Variants in HMCN1 observed in about 807,000 individuals in gnomAD.
The protein encoded by HMCN1 is hemicentin-1.
Under a neutral mutation model 625.9 loss-of-function variants are expected in HMCN1, and 321 were observed. The ratio of observed to expected loss-of-function variants is 0.51; its 90% CI spans 0.47 to 0.56. HMCN1 has a LOEUF of 0.56. HMCN1 is among the 20% of genes least tolerant of loss of function. The pLI is 0.00. For missense variants in HMCN1, 6,588 were observed against 6,887.3 expected, an observed-to-expected ratio of 0.96 and a Z score of 1.54; for synonymous variants, 2,425 against 2,417.6, an observed-to-expected ratio of 1.00 and a Z score of -0.09.
intron 4 of HMCN1, among the ~76,000 whole-genome samples, chr1:185,888,449 G>A (rs1184484351): frequency 2.1e-5 from 3 of 142,534 alleles, no homozygotes; most frequent in South Asian, 2.1e-4. Flanking sequence ...TAGGTCTAAT[G>A]TTTAAGTCTT....
At chr1:185,805,871 G>C (rs1329411730) in intron 1 of HMCN1, among the ~76,000 whole-genome samples, 1 of 151,786 alleles carries the variant, frequency 6.6e-6, no homozygotes, top group Admixed American at 6.6e-5. Context: ...CAAAATATGT[G>C]CTCTAATCAT....
intron 6 of HMCN1, among the ~76,000 whole-genome samples, chr1:185,917,181 GT>G (rs968336255): frequency 4.6e-5 from 7 of 151,784 alleles, no homozygotes; most frequent in African/African-American, 1.7e-4. Flanking sequence ...AAAAATTAGG[GT>G]TTTTTTTGTT....
intron 40 of HMCN1, among the ~76,000 whole-genome samples, chr1:186,042,863 A>G (rs986127126): frequency 2.6e-5 from 4 of 152,092 alleles, no homozygotes; most frequent in Non-Finnish European, 5.9e-5. Context: ...CCAGAGATAA[A>G]TCACCTTCAG....
intron 80 of HMCN1, among the ~76,000 whole-genome samples, chr1:186,120,516 G>A (rs981705459): frequency 3.3e-5 from 5 of 152,080 alleles, no homozygotes; most frequent in East Asian, 1.9e-4. Flanking sequence ...AATCATAATC[G>A]CAGTTAAACC....
intron 30 of HMCN1, among the ~76,000 whole-genome samples, chr1:186,008,723 T>C (rs1347814233): frequency 6.6e-6 from 1 of 152,156 alleles, no homozygotes; most frequent in African/African-American, 2.4e-5. Flanking sequence ...GAAGATCAAA[T>C]GCTAGATACT....
At chr1:186,048,956 G>A in intron 42 of HMCN1, 117 bp downstream of exon 42, 1 of 700,898 alleles carries the variant, frequency 1.4e-6, no homozygotes, top group Admixed American at 2.0e-5. Context: ...ACAACAATTA[G>A]TACATTTACA....
chr1:186,128,158 T>A lies in HMCN1; in HGVS notation c.12771T>A (p.His4257Gln). 1 of 1,613,748 alleles carries A rather than the reference T, an allele frequency of 6.2e-7. No homozygotes were observed. The highest frequency in any genetic ancestry group is 1.1e-5 in the South Asian group (1 of 91,070). ...CACACACTGTCAGCCTGACTGTGCA[T>A]GTTCTCCCCACTTTTACTGAACTTC... ...EDTHTVSLTV[H>Q]VLPTFTELPG... The change falls in exon 83 of 107, where the codon CAT becomes CAA. Residue 4257 changes from histidine (H) to glutamine (Q), a missense_variant. This residue lies in a region of HMCN1 where 1,954 missense variants were observed against 2,013.1 expected (regional missense o/e 0.97). Transcript: ENST00000271588.
chr1:186,070,667 A>G lies in HMCN1; in HGVS notation c.8049A>G (p.Glu2683=), dbSNP rs544853879. ...GGGGGCCAGGTCTTTCCCCTAAAGA[A>G]GTGAAGATCAAAGTAAACAACACTC... ...DLWGPGLSPK[E]VKIKVNNTLT... Residue 2683 remains glutamate, a synonymous_variant, in exon 52 of 107, where the codon GAA becomes GAG. Coordinates refer to ENST00000271588, the MANE Select transcript of HMCN1 (RefSeq NM_031935.3). 6 of 1,613,514 alleles carry G rather than the reference A, an allele frequency of 3.7e-6. No homozygotes were observed. In the African/African-American group the frequency reaches 8.0e-5, roughly 21 times the overall value.
chr1:185,740,986 T>A (rs898810830), intron 1 of HMCN1, among the ~76,000 whole-genome samples: 2 of 152,124 alleles, frequency 1.3e-5, no homozygotes, highest in African/African-American at 4.8e-5. Context: ...AGAGGAAGAC[T>A]CTATCTCAAA....
intron 63 of HMCN1, among the ~76,000 whole-genome samples, chr1:186,090,216 A>G (rs557616530): frequency 1.3e-5 from 2 of 152,134 alleles, no homozygotes; most frequent in African/African-American, 4.8e-5. Flanking sequence ...AAAGATGGCT[A>G]GAAAAAGAGA....
intron 29 of HMCN1, among the ~76,000 whole-genome samples, chr1:186,005,565 A>T (rs994196632): frequency 6.6e-6 from 1 of 151,750 alleles, no homozygotes; most frequent in Non-Finnish European, 1.5e-5. Context: ...AATTGTTTAA[A>T]TTGTTTATAA....
chr1:186,034,018 T>C (rs1453030135), intron 36 of HMCN1, among the ~76,000 whole-genome samples: 2 of 152,222 alleles, frequency 1.3e-5, no homozygotes, highest in Non-Finnish European at 2.9e-5. Flanking sequence ...TAAAGGGGAA[T>C]TAAGGTTGTT....
Position 185,888,629 on chromosome 1 carries a change from C to T in HMCN1, c.622-20708C>T, listed in dbSNP as rs1043139720. On this transcript the variant is annotated intron_variant, in intron 4 of 106. Coordinates refer to ENST00000271588, the MANE Select transcript of HMCN1 (RefSeq NM_031935.3). ...AGATCAGATAGTTGTAGATATGCGG[C>T]GTTATTTCTGAGGGCTCTGTTGTGT... 2.6e-4 allele frequency among the ~76,000 whole-genome samples: 39 copies of T among 147,186 alleles called. 2 individuals are homozygous for T. The South Asian group carries it at 3.5e-3, about 13-fold the overall frequency.
At chr1:185,852,014 TGTCA>T (rs1043726000) in intron 2 of HMCN1, among the ~76,000 whole-genome samples, 29 of 152,036 alleles carry the variant, frequency 1.9e-4, no homozygotes, top group African/African-American at 5.3e-4. Flanking sequence ...GGAAAAGCAT[TGTCA>T]CATAGCAACA....
intron 1 of HMCN1, among the ~76,000 whole-genome samples, chr1:185,771,188 C>T (rs551918787): frequency 4.9e-4 from 75 of 152,282 alleles, no homozygotes; most frequent in African/African-American, 1.7e-3. Flanking sequence ...GAAACTAGAG[C>T]ATTCCAGAAT....
In HMCN1 at chr1:186,082,971, C is replaced by T; in HGVS notation, c.8884+10C>T. On this transcript the variant is annotated intron_variant, in intron 57 of 106. Transcript: ENST00000271588. The stretch of plus-strand genomic sequence containing the variant: ...AACCTCAATGTTCATGGTAAGAGCT[C>T]AGTTCCAAAACCATCTGTTAGGGTA... The T allele has an allele frequency of 6.5e-7, 1 of 1,537,032 alleles. No homozygotes were observed. Among genetic ancestry groups the T allele is most frequent in the South Asian group, 1.2e-5 (1 of 84,216 alleles).
chr1:185,808,667 T>C (rs575592191), intron 1 of HMCN1, among the ~76,000 whole-genome samples: 1 of 152,358 alleles, frequency 6.6e-6, no homozygotes. Flanking sequence ...TTTCATATTA[T>C]ATTTTGATGT....
intron 4 of HMCN1, among the ~76,000 whole-genome samples, chr1:185,906,414 T>G (rs971185525): frequency 4.6e-5 from 7 of 151,850 alleles, no homozygotes; most frequent in Admixed American, 2.0e-4. Flanking sequence ...GAAGCAGTAT[T>G]AAGAGTAAAC....
At chr1:186,007,984 A>G (rs1323145003) in intron 30 of HMCN1, among the ~76,000 whole-genome samples, 1 of 152,122 alleles carries the variant, frequency 6.6e-6, no homozygotes, top group African/African-American at 2.4e-5. Flanking sequence ...ATGCTCAAGG[A>G]AAATTTAGAC....
Sources: allele counts gnomAD v4.1 joint callset (sites outside exome capture counted in the v4.1 genomes callset), GRCh38; gene constraint gnomAD v4.1.1; regional missense constraint gnomAD v4.1.1; transcripts MANE v1.5; gene names NCBI Gene and HGNC (gene_info 2026-07-23, HGNC 2026-07-21).